The following NPC1 variants were observed in gnomAD, a reference collection of about 807,000 sequenced individuals.
The protein encoded by NPC1 is Niemann-Pick C1 protein.
A neutral mutation model predicts 140.4 loss-of-function variants in NPC1; 85 were observed. That is an observed-to-expected ratio of 0.61 (90% CI 0.51 to 0.72). NPC1 has a LOEUF of 0.72. Ranked by LOEUF, NPC1 falls within the 30% of genes least tolerant of loss-of-function variation. The pLI is 0.00. For synonymous variants in NPC1, 656 were observed against 624.8 expected (o/e 1.05, Z -0.74); for missense variants, 1,504 against 1,623.8 (o/e 0.93, Z 1.27).
chr18:23,553,827 T>A (rs2058910159), intron 9 of NPC1, among the ~76,000 whole-genome samples: 1 of 152,000 alleles, frequency 6.6e-6, no homozygotes, highest in Non-Finnish European at 1.5e-5. Context: ...TAGACATGCC[T>A]CCTAAGGGAA....
intron 10 of NPC1, among the ~76,000 whole-genome samples, chr18:23,551,254 T>C (rs2058867919): frequency 6.6e-6 from 1 of 152,202 alleles, no homozygotes; most frequent in African/African-American, 2.4e-5. Context: ...CTATCTTTTC[T>C]CTATCACAGA....
chr18:23,558,717 G>GTTT lies in NPC1; in HGVS notation c.881+1511_881+1513dup, dbSNP rs138429491. The stretch of plus-strand genomic sequence containing the variant: ...CGTGGTTTTGATCATTGTACTATGA[G>GTTT]TTTTTTTTTTAATTATTATTATACT... On this transcript the variant is annotated intron_variant, in intron 6 of 24. Coordinates refer to ENST00000269228, the MANE Select transcript of NPC1 (RefSeq NM_000271.5). Among the ~76,000 whole-genome samples the GTTT allele has an allele frequency of 5.8e-3, 875 of 150,218 alleles. 7 individuals are homozygous for GTTT. Among genetic ancestry groups the GTTT allele is most frequent in the African/African-American group, 0.02 (810 of 41,044 alleles).
intron 1 of NPC1, among the ~76,000 whole-genome samples, chr18:23,578,873 C>T (rs1210641631): frequency 1.3e-5 from 2 of 152,362 alleles, no homozygotes; most frequent in Non-Finnish European, 1.5e-5. Flanking sequence ...GCGAACCTAT[C>T]GCTCACTCCC....
chr18:23,523,543 C>CAAAA lies in NPC1; in HGVS notation c.164-641_164-638dup, dbSNP rs374224848. Among the ~76,000 whole-genome samples the CAAAA allele has an allele frequency of 5.6e-3, 430 of 76,330 alleles. 38 individuals are homozygous for CAAAA. Among genetic ancestry groups the CAAAA allele is most frequent in the East Asian group, 0.018 (34 of 1,888 alleles). The allele number at this position is 76,330 out of a possible 152,430, so 50.1% of individuals were successfully genotyped here. ...CTAGGTAACATAGACCTTGTCTTCA[C>CAAAA]AAAAAAAAAAAAAAAAAAAAAAAAA... On this transcript the variant is annotated intron_variant, in intron 1 of 1. Coordinates refer to the NPC1 transcript ENST00000590723.
rs765319175 is a variant in NPC1 at position 23,568,950 on chromosome 18, T to C, written c.336A>G (p.Thr112=). 4.3e-6 allele frequency: 7 copies of C among 1,613,916 alleles called. No individual in the cohort carries two copies. In the Admixed American group the frequency reaches 8.3e-5, roughly 19 times the overall value. Residue 112 remains threonine, a synonymous_variant, in exon 4 of 25, where the codon ACA becomes ACG. Transcript: ENST00000269228. ...YNLLNLFCEL[T]CSPRQSQFLN... ...AAAACTGACTCTGTCGAGGGCTACA[T>C]GTCAGCTCACAAAACAGGTTCAGTA...
In NPC1 at chr18:23,560,516, T is replaced by C. The variant is rs199959757; in HGVS notation, c.632-36A>G. On this transcript the variant is annotated intron_variant, in intron 5 of 24. Transcript: ENST00000269228. ...GAATTGTGTTGAGTACAAATCTCAATTAAAAACATCCAAAATTTTGTATTA... is the reference window on the plus strand; with the variant it reads ...GAATTGTGTTGAGTACAAATCTCAACTAAAAACATCCAAAATTTTGTATTA... 1,238 of 1,611,352 alleles carry C rather than the reference T, an allele frequency of 7.7e-4. 3 individuals carry two copies. Among genetic ancestry groups the C allele is most frequent in the Non-Finnish European group, 4.7e-4 (557 of 1,178,858 alleles).
At chr18:23,547,271 G>A (rs1004219750) in intron 11 of NPC1, among the ~76,000 whole-genome samples, 1 of 152,154 alleles carries the variant, frequency 6.6e-6, no homozygotes. Context: ...GTTAATTTCT[G>A]AGGTCATTTG....
At chr18:23,515,854 A>T in intron 3 of NPC1, 1 of 1,614,094 alleles carries the variant, frequency 6.2e-7, no homozygotes, top group Non-Finnish European at 8.5e-7. Flanking sequence ...ACTCTGCTTC[A>T]GGTATTACCA....
chr18:23,542,907 C>CA (rs1320982353), intron 14 of NPC1, among the ~76,000 whole-genome samples: 1 of 152,186 alleles, frequency 6.6e-6, no homozygotes, highest in Admixed American at 6.5e-5. Flanking sequence ...CCCTGAACCC[C>CA]AACATCAATG....
chr18:23,566,878 T>C (rs999955300), intron 4 of NPC1, among the ~76,000 whole-genome samples: 1 of 152,254 alleles, frequency 6.6e-6, no homozygotes, highest in African/African-American at 2.4e-5. Flanking sequence ...ACTGACTTTT[T>C]ACTGTCTCCA....
intron 3 of NPC1, among the ~76,000 whole-genome samples, chr18:23,512,577 C>T (rs537022802): frequency 4.0e-5 from 6 of 151,754 alleles, no homozygotes; most frequent in East Asian, 3.9e-4. Context: ...TGTGCCAGCA[C>T]GCCCAACTTA....
At chr18:23,522,012 T>C (rs1187454914), downstream of NPC1, among the ~76,000 whole-genome samples, 1 of 152,234 alleles carries the variant, frequency 6.6e-6, no homozygotes, top group African/African-American at 2.4e-5. Context: ...TCCGATGGCA[T>C]TGGGCGGGTT....
intron 1 of NPC1, among the ~76,000 whole-genome samples, chr18:23,585,893 TGAG>T (rs2059412337): frequency 1.3e-5 from 2 of 152,202 alleles, no homozygotes; most frequent in African/African-American, 4.8e-5. Flanking sequence ...CCTCAGGTGA[TGAG>T]AAGAGGAAAT....
downstream of NPC1, among the ~76,000 whole-genome samples, chr18:23,527,223 CAAAAAAAA>C (rs386387173): frequency 4.4e-3 from 194 of 43,652 alleles, no homozygotes; most frequent in African/African-American, 0.012. Context: ...CCTGTCTCTA[CAAAAAAAA>C]AAAAAAAAAA....
intron 11 of NPC1, 112 bp from the exon 12 acceptor site, chr18:23,545,261 G>A (rs2058773052): frequency 1.3e-6 from 1 of 799,220 alleles, no homozygotes; most frequent in Admixed American, 2.1e-5. Context: ...TTTTGGTTTT[G>A]AGACTGATTC....
Position 23,551,639 on chromosome 18 carries a change from C to CCA in NPC1, c.1640_1641dup (p.Gly548TrpfsTer16). On this transcript the variant is annotated frameshift_variant, in exon 10 of 25. Coordinates refer to ENST00000269228, the MANE Select transcript of NPC1 (RefSeq NM_000271.5). LOFTEE classifies it high-confidence loss of function. ...TTCTCTTACTTACCATCATAGCCTC[C>CCA]CAACACAAGCCACGGGAACACTGGT... The CCA allele has an allele frequency of 6.2e-7, 1 of 1,613,090 alleles. No homozygotes were observed. The highest frequency in any genetic ancestry group is 8.5e-7 in the Non-Finnish European group (1 of 1,179,050).
downstream of NPC1, chr18:23,529,873 G>C: frequency 1.9e-6 from 2 of 1,030,198 alleles, no homozygotes; most frequent in Non-Finnish European, 2.9e-6. Flanking sequence ...GGAAGTGTAA[G>C]GTCAAGTTGG....
Position 23,539,467 on chromosome 18 carries a change from G to T in NPC1, c.2799C>A (p.Thr933=), listed in dbSNP as rs759606859. The part of the protein sequence containing the change: ...IFNAAQLDNY[T]RIGFAPSSWI... ...AGGACGAGGGGGCGAAGCCTATTCG[G>T]GTACTAGAGAGGACAGACAGGGTTA... The change falls in exon 19 of 25, where the codon ACC becomes ACA. Residue 933 remains threonine, a synonymous_variant. Transcript: ENST00000269228. 6.2e-7 allele frequency: 1 copy of T among 1,609,552 alleles called. No homozygotes were observed. Among genetic ancestry groups the T allele is most frequent in the Non-Finnish European group, 8.5e-7 (1 of 1,176,486 alleles).
intron 14 of NPC1, among the ~76,000 whole-genome samples, chr18:23,542,526 TTAC>T (rs1312215765): frequency 6.6e-6 from 1 of 151,030 alleles, no homozygotes; most frequent in East Asian, 1.9e-4. Flanking sequence ...CACTTTGCTC[TTAC>T]TACACTTCAG....
Sources: gnomAD v4.1 joint callset for allele counts (sites outside exome capture counted in the v4.1 genomes callset) on GRCh38, gnomAD v4.1.1 for gene constraint, MANE v1.5 for transcripts, NCBI Gene and HGNC (gene_info 2026-07-23, HGNC 2026-07-21) for gene names.